Variants in PIK3CD observed in about 807,000 individuals in gnomAD.
PIK3CD encodes phosphatidylinositol-4,5-bisphosphate 3-kinase catalytic subunit delta, also known as phosphatidylinositol 4,5-bisphosphate 3-kinase catalytic subunit delta isoform.
A neutral mutation model predicts 122.9 loss-of-function variants in PIK3CD; 20 were observed. The ratio of observed to expected loss-of-function variants is 0.16; its 90% CI spans 0.11 to 0.24. The LOEUF is 0.24. Ranked by LOEUF, PIK3CD falls within the 10% of genes least tolerant of loss-of-function variation. The pLI, the probability that PIK3CD is intolerant of heterozygous loss-of-function variation, is 1.00. For synonymous variants in PIK3CD, 596 were observed against 593.4 expected (o/e 1.00, Z -0.06); for missense variants, 787 against 1,406.3 (o/e 0.56, Z 7.04).
At position 9,719,488 on chromosome 1, in the gene PIK3CD, G is replaced by T. The variant is rs1162295931; in HGVS notation, c.1243-433G>T. ...AGCCTGGCCAATATGGTGAAACCCT[G>T]TCTCTACTGAAAATACAAAAAAATT... On this transcript the variant is annotated intron_variant, in intron 9 of 23. Transcript: ENST00000377346. The surrounding 1 kb of genome is among the most constrained non-coding windows in gnomAD (Gnocchi z 5.5). Among the ~76,000 whole-genome samples, 1 of 152,120 alleles carries T rather than the reference G, an allele frequency of 6.6e-6. No individual in the cohort carries two copies. The highest frequency in any genetic ancestry group is 2.4e-5 in the African/African-American group (1 of 41,422).
rs536086677 is a variant in PIK3CD, at chr1:9,684,516, G to A, written c.-137-6951G>A. ...GGTGCCACTGTACTCCAGCCTGGGC[G>A]ACAGAGAGAGACTCCGTCTCAAAAA... On this transcript the variant is annotated intron_variant, in intron 1 of 23. Transcript: ENST00000377346. Among the ~76,000 whole-genome samples, 10 of 140,288 alleles carry A rather than the reference G, an allele frequency of 7.1e-5. No individual in the cohort carries two copies. The South Asian group carries it at 1.8e-3, about 26-fold the overall frequency. 92.0% of individuals were successfully genotyped at this position (140,288 alleles called of 152,430 possible).
rs563739836 is a variant in PIK3CD, at chr1:9,703,058, C to T, written c.-32-7366C>T. ...CCCAGGCTTGTACTGTCTGCTTTAGCCCCACTTTCCTCTGTGTTGGTCTCT... is the reference window on the plus strand; with the variant it reads ...CCCAGGCTTGTACTGTCTGCTTTAGTCCCACTTTCCTCTGTGTTGGTCTCT... On this transcript the variant is annotated intron_variant, in intron 2 of 23. Coordinates refer to ENST00000377346, the MANE Select transcript of PIK3CD (RefSeq NM_005026.5). 7.9e-5 allele frequency among the ~76,000 whole-genome samples: 12 copies of T among 152,268 alleles called. No homozygotes were observed. The South Asian group carries it at 2.3e-3, about 29-fold the overall frequency.
intron 2 of PIK3CD, among the ~76,000 whole-genome samples, chr1:9,692,328 G>A (rs922010027): frequency 7.2e-5 from 11 of 152,148 alleles, no homozygotes; most frequent in Admixed American, 3.3e-4. Context: ...GGGTTAGAGC[G>A]CGGTGGCGTC....
chr1:9,721,397 G>A (rs1648628859), intron 14 of PIK3CD, 47 bp from the exon 15 acceptor site: 4 of 1,611,226 alleles, frequency 2.5e-6, no homozygotes, highest in African/African-American at 2.7e-5. Context: ...GCTCCCTCCT[G>A]TCCTGAGTCG....
chr1:9,724,399 A>C lies in PIK3CD; in HGVS notation c.2842A>C (p.Asn948His). Residue 948 changes from asparagine to histidine, a missense_variant, in exon 22 of 24, where the codon AAT (asparagine) becomes CAT (histidine). This residue lies in a region of PIK3CD where 60 missense variants were observed against 129.5 expected (regional missense o/e 0.46). Transcript: ENST00000377346. The surrounding 1 kb of genome is among the most constrained non-coding windows in gnomAD (Gnocchi z 7.3). ...FVHVIQQGKT[N>H]NSEKFERFRG... ...CCATGTGATTCAGCAGGGGAAGACT[A>C]ATAATAGTGAGAAATTTGAACGGTG... The C allele has an allele frequency of 6.2e-7, 1 of 1,614,048 alleles. No individual in the cohort carries two copies. The highest frequency in any genetic ancestry group is 1.7e-5 in the Admixed American group (1 of 60,018).
At position 9,720,909 on chromosome 1, in the gene PIK3CD, G is replaced by A; in HGVS notation, c.1689G>A (p.Gln563=). 1 of 1,586,664 alleles carries A rather than the reference G, an allele frequency of 6.3e-7. No individual in the cohort carries two copies. Among genetic ancestry groups the A allele is most frequent in the Non-Finnish European group, 8.6e-7 (1 of 1,166,892 alleles). ...GGAACAAGCATGAGGATGTGGCCCA[G>A]GTGGGTGGGGAGGCGCACCTGGGGG... ...TKWNKHEDVA[Q]MLYLLCSWPE... The change falls in exon 13 of 24, where the codon CAG becomes CAA. Residue 563 remains glutamine (Q), a splice_region_variant and synonymous_variant. Coordinates refer to ENST00000377346, the MANE Select transcript of PIK3CD (RefSeq NM_005026.5). The surrounding 1 kb of genome is among the most constrained non-coding windows in gnomAD (Gnocchi z 9.0).
At chr1:9,661,681 C>G (rs550342246) in intron 1 of PIK3CD, among the ~76,000 whole-genome samples, 1 of 151,824 alleles carries the variant, frequency 6.6e-6, no homozygotes, top group Non-Finnish European at 1.5e-5. Context: ...GCCAACATGG[C>G]GAAACCCCGT....
chr1:9,664,932 G>A (rs975081814), intron 1 of PIK3CD, among the ~76,000 whole-genome samples: 1 of 152,138 alleles, frequency 6.6e-6, no homozygotes, highest in African/African-American at 2.4e-5. Flanking sequence ...GCTGGGTGCA[G>A]TGGCTCACAC....
chr1:9,725,038 C>A, intron 23 of PIK3CD, 102 bp downstream of exon 23: 1 of 1,410,120 alleles, frequency 7.1e-7, no homozygotes. Flanking sequence ...CCCCAAAGGG[C>A]ACTGAGCTGT....
the PIK3CD span, among the ~76,000 whole-genome samples, chr1:9,631,479 A>T: frequency 6.6e-6 from 1 of 152,174 alleles, no homozygotes; most frequent in South Asian, 2.1e-4. Context: ...ACATGGTGAA[A>T]CCCCGTCTCT....
the PIK3CD span, among the ~76,000 whole-genome samples, chr1:9,645,000 T>TTTTTCTTTTCTTTTC: frequency 3.1e-5 from 4 of 129,820 alleles, no homozygotes; most frequent in Admixed American, 7.4e-5. Flanking sequence ...TCCAGGCCTA[T>TTTTTCTTTTCTTTTC]TTTTCTTTTC....
In PIK3CD at chr1:9,700,795, T is replaced by A. The variant is rs1646598259; in HGVS notation, c.-33+9224T>A. On this transcript the variant is annotated intron_variant, in intron 2 of 23. Transcript: ENST00000377346. The surrounding 1 kb of genome is among the most constrained non-coding windows in gnomAD (Gnocchi z 5.1). ...TCCGGCTGTCTTATCCCACCAGAAATCTCTTCCTTTCCTGTCTCAGTAAAT... is the reference window on the plus strand; with the variant it reads ...TCCGGCTGTCTTATCCCACCAGAAAACTCTTCCTTTCCTGTCTCAGTAAAT... Among the ~76,000 whole-genome samples the A allele has an allele frequency of 6.6e-6, 1 of 152,010 alleles. No homozygotes were observed. Among genetic ancestry groups the A allele is most frequent in the South Asian group, 2.1e-4 (1 of 4,808 alleles).
intron 1 of PIK3CD, among the ~76,000 whole-genome samples, chr1:9,665,365 T>C (rs1276672239): frequency 6.6e-6 from 1 of 151,444 alleles, no homozygotes; most frequent in African/African-American, 2.4e-5. Context: ...CTCTGGGAGA[T>C]TTGGGTGCCA....
intron 1 of PIK3CD, among the ~76,000 whole-genome samples, chr1:9,684,912 TTC>T (rs1645910623): frequency 6.6e-6 from 1 of 151,342 alleles, no homozygotes; most frequent in African/African-American, 2.4e-5. Context: ...CTTTTTTTTT[TTC>T]TCTCTCTGCT....
At chr1:9,646,941 T>C (rs1201509247), upstream of PIK3CD, among the ~76,000 whole-genome samples, 1 of 128,480 alleles carries the variant, frequency 7.8e-6, no homozygotes, top group Non-Finnish European at 1.6e-5. Context: ...GGAGACTCCA[T>C]CTCAAAAAAA....
upstream of PIK3CD, among the ~76,000 whole-genome samples, chr1:9,651,137 GC>G (rs1232363150): frequency 6.6e-6 from 1 of 152,220 alleles, no homozygotes; most frequent in Non-Finnish European, 1.5e-5. Context: ...GAGCCACAGT[GC>G]CAGGCCTGGA....
At chr1:9,686,595 C>T (rs976882187) in intron 1 of PIK3CD, among the ~76,000 whole-genome samples, 8 of 152,182 alleles carry the variant, frequency 5.3e-5, no homozygotes, top group African/African-American at 1.9e-4. Context: ...CTCAAGTGAT[C>T]CTCCTGCCCT....
chr1:9,637,201 A>G, the PIK3CD span, among the ~76,000 whole-genome samples: 3 of 152,258 alleles, frequency 2.0e-5, no homozygotes, highest in East Asian at 1.9e-4. Context: ...CTGAGGCCAC[A>G]TCTTTATACT....
rs1472843182 is a variant in PIK3CD at position 9,653,951 on chromosome 1, A to G, written c.-138+2149A>G. ...CTGAGAGCGGTAGCTCATACCTGTC[A>G]TCCCAGTGCTTTGGGAGGCCCAGAC... is the stretch of plus-strand genomic sequence containing the variant. On this transcript the variant is annotated intron_variant, in intron 1 of 23. Coordinates refer to ENST00000377346, the MANE Select transcript of PIK3CD (RefSeq NM_005026.5). 13 of 1,360,222 alleles carry G rather than the reference A, an allele frequency of 9.6e-6. 1 individual carries two copies. Among genetic ancestry groups the G allele is most frequent in the Non-Finnish European group, 1.2e-5 (12 of 1,018,790 alleles). The allele number at this position is 1,360,222 out of a possible 1,614,324, so 84.3% of individuals were successfully genotyped here. A position where few individuals can be genotyped will look rare whatever the true frequency, so the allele number is the denominator to read the frequency against.
Sources: gnomAD v4.1 joint callset for allele counts (sites outside exome capture counted in the v4.1 genomes callset) on GRCh38, gnomAD v4.1.1 for gene constraint, gnomAD v4.1.1 regional missense constraint, Gnocchi (gnomAD v3.1) non-coding constraint, MANE v1.5 for transcripts, NCBI Gene and HGNC (gene_info 2026-07-23, HGNC 2026-07-21) for gene names.